The following CLUAP1 variants were observed in gnomAD, a reference collection of about 807,000 sequenced individuals.
CLUAP1 encodes clusterin-associated protein 1.
A neutral mutation model predicts 55.0 loss-of-function variants in CLUAP1; 50 were observed. The observed-to-expected ratio is 0.91, with a 90% CI of 0.72 to 1.15. The LOEUF is 1.15. Among genes scored for constraint, CLUAP1 ranks in the 50% most tolerant of loss-of-function variants. The probability of loss-of-function intolerance (pLI) is 0.00; values close to 1 mark genes in which losing one functional copy is unlikely to be tolerated. For synonymous variants in CLUAP1, 195 were observed against 175.4 expected (o/e 1.11, Z -0.88); for missense variants, 530 against 507.6 (o/e 1.04, Z -0.42).
chr16:3,521,509 A>G (rs2037833048), intron 7 of CLUAP1, among the ~76,000 whole-genome samples: 1 of 150,278 alleles, frequency 6.7e-6, no homozygotes, highest in South Asian at 2.1e-4. Flanking sequence ...ATCCCGGCTC[A>G]CTGCAAACTC....
intron 5 of CLUAP1, among the ~76,000 whole-genome samples, chr16:3,514,721 ACATGGCAGCAGGGGTGAGGGATCTCCC>A (rs2037697892): frequency 6.6e-6 from 1 of 152,228 alleles, no homozygotes. Context: ...CTGAGTCCTC[ACATGGCAGCAGGGGTGAGGGATCTCCC>A]CAGGGTTTCT....
At chr16:3,495,879 G>A in the CLUAP1 span, among the ~76,000 whole-genome samples, 1 of 152,204 alleles carries the variant, frequency 6.6e-6, no homozygotes, top group African/African-American at 2.4e-5. Flanking sequence ...GCCGAGGCAG[G>A]CTGATCAGTT....
intron 9 of CLUAP1, among the ~76,000 whole-genome samples, chr16:3,529,687 T>TA (rs1215154115): frequency 8.5e-5 from 2 of 23,460 alleles, no homozygotes; most frequent in South Asian, 1.4e-3. Flanking sequence ...TTATATATTA[T>TA]TATATATTAT....
upstream of CLUAP1, among the ~76,000 whole-genome samples, chr16:3,498,188 C>T (rs1043012631): frequency 4.7e-4 from 71 of 152,152 alleles, no homozygotes; most frequent in Middle Eastern, 6.8e-3. Flanking sequence ...AAGGATGTCC[C>T]AGCCCATGAA....
intron 3 of CLUAP1, among the ~76,000 whole-genome samples, chr16:3,507,967 G>A (rs80302779): frequency 0.048 from 7,248 of 152,084 alleles, 308 homozygotes; most frequent in African/African-American, 0.11. Flanking sequence ...TTGCTCTTTG[G>A]AACAGTGCTG....
intron 4 of CLUAP1, 105 bp from the exon 5 acceptor site, chr16:3,512,278 T>C: frequency 1.3e-6 from 1 of 794,334 alleles, no homozygotes; most frequent in Non-Finnish European, 2.2e-6. Context: ...GGAGGGTCAC[T>C]TGAGGCCAGG....
intron 9 of CLUAP1, chr16:3,530,333 T>C: frequency 2.3e-6 from 1 of 436,814 alleles, no homozygotes; most frequent in Non-Finnish European, 4.1e-6. Flanking sequence ...AGGTCTGTAT[T>C]GGTTTGAGTT....
chr16:3,522,837 T>G (rs2037866408), intron 7 of CLUAP1, among the ~76,000 whole-genome samples: 1 of 152,182 alleles, frequency 6.6e-6, no homozygotes, highest in Admixed American at 6.5e-5. Flanking sequence ...CATAGAAAAG[T>G]CTGGAAGGAT....
rs1406319668 is a variant in CLUAP1, at chr16:3,504,797, C to T, written c.100C>T (p.Leu34Phe). ...AAATTTCCGTACACCCAATTTTGGA[C>T]TTGTATCTGAAGTGCTTCTCTGGCT... ...MENFRTPNFGLVSEVLLWLVK... is the reference protein window; with the variant it reads ...MENFRTPNFGFVSEVLLWLVK... The change falls in exon 2 of 12, where the codon CTT (leucine) becomes TTT (phenylalanine). Residue 34 changes from leucine to phenylalanine, a missense_variant. Physicochemically the swap from Leu to Phe is conservative, Grantham distance 22. Transcript: ENST00000576634. 3.7e-6 allele frequency: 6 copies of T among 1,612,198 alleles called. No homozygotes were observed. The highest frequency in any genetic ancestry group is 5.1e-6 in the Non-Finnish European group (6 of 1,178,200).
At chr16:3,528,106 C>A (rs1390927687) in intron 9 of CLUAP1, among the ~76,000 whole-genome samples, 2 of 152,186 alleles carry the variant, frequency 1.3e-5, no homozygotes, top group African/African-American at 4.8e-5. Flanking sequence ...GGGGCTGTAC[C>A]CTACATCCCT....
intron 11 of CLUAP1, 133 bp from the exon 12 acceptor site, chr16:3,535,989 G>C: frequency 9.7e-7 from 1 of 1,027,328 alleles, no homozygotes; most frequent in Non-Finnish European, 1.4e-6. Context: ...CCCTCCCACA[G>C]CCTGCTTGCC....
chr16:3,507,258 C>A (rs1596384420), intron 3 of CLUAP1, among the ~76,000 whole-genome samples: 1 of 150,390 alleles, frequency 6.6e-6, no homozygotes, highest in East Asian at 2.0e-4. Context: ...TCATGGCTCA[C>A]AAATTGAAAG....
At chr16:3,511,551 C>T (rs1056133904) in intron 4 of CLUAP1, among the ~76,000 whole-genome samples, 8 of 152,168 alleles carry the variant, frequency 5.3e-5, no homozygotes, top group African/African-American at 1.9e-4. Flanking sequence ...AAACACAGGA[C>T]GTCAGGCTGC....
At chr16:3,516,666 A>G (rs1013026419) in intron 6 of CLUAP1, among the ~76,000 whole-genome samples, 7 of 152,242 alleles carry the variant, frequency 4.6e-5, no homozygotes, top group Non-Finnish European at 1.0e-4. Flanking sequence ...TTTGATATAC[A>G]TGTATGCACA....
chr16:3,531,202 G>T (rs2038109905), intron 10 of CLUAP1, among the ~76,000 whole-genome samples: 1 of 152,026 alleles, frequency 6.6e-6, no homozygotes, highest in African/African-American at 2.4e-5. Flanking sequence ...CTGCATTCCG[G>T]CCCGGGCAAC....
intron 8 of CLUAP1, among the ~76,000 whole-genome samples, chr16:3,523,836 C>G (rs2037886771): frequency 6.6e-6 from 1 of 152,048 alleles, no homozygotes; most frequent in Non-Finnish European, 1.5e-5. Flanking sequence ...TGTGGTCGTA[C>G]ACACCTGTAG....
At chr16:3,510,903 C>A (rs941340154) in intron 4 of CLUAP1, among the ~76,000 whole-genome samples, 8 of 152,128 alleles carry the variant, frequency 5.3e-5, no homozygotes, top group African/African-American at 1.9e-4. Flanking sequence ...GTATGTGAAA[C>A]TAGAGCCCAG....
At position 3,504,814 on chromosome 16, in the gene CLUAP1, T is replaced by G. The variant is rs561862367; in HGVS notation, c.117T>G (p.Leu39=). Residue 39 remains leucine, a synonymous_variant, in exon 2 of 12, where the codon CTT becomes CTG. Transcript: ENST00000576634. The part of the protein sequence containing the change: ...TPNFGLVSEV[L]LWLVKRYEPQ... ...ATTTTGGACTTGTATCTGAAGTGCT[T>G]CTCTGGCTTGTGAAAAGGTTCGAAC... The G allele has an allele frequency of 8.1e-6, 13 of 1,606,936 alleles. No homozygotes were observed. In the South Asian group the frequency reaches 1.3e-4, roughly 16 times the overall value.
intron 8 of CLUAP1, among the ~76,000 whole-genome samples, chr16:3,524,757 C>G (rs957506455): frequency 1.3e-5 from 2 of 152,100 alleles, no homozygotes; most frequent in Non-Finnish European, 2.9e-5. Context: ...AACCATCTTA[C>G]AGGTTCCTCT....
Sources: allele counts gnomAD v4.1 joint callset (sites outside exome capture counted in the v4.1 genomes callset), GRCh38; gene constraint gnomAD v4.1.1; transcripts MANE v1.5; gene names NCBI Gene and HGNC (gene_info 2026-07-23, HGNC 2026-07-21).